The following GPC5 variants were observed in gnomAD, a reference collection of about 807,000 sequenced individuals.
The protein encoded by GPC5 is glypican 5.
In GPC5, 47 loss-of-function variants were observed where a neutral mutation model predicts 53.9. The ratio of observed to expected loss-of-function variants is 0.87; its 90% CI spans 0.69 to 1.11. GPC5 has a LOEUF of 1.11. GPC5 is among the 50% of genes most tolerant of loss of function. The pLI, the probability that GPC5 is intolerant of heterozygous loss-of-function variation, is 0.00. For synonymous variants in GPC5, 286 were observed against 263.3 expected (o/e 1.09, Z -0.84); for missense variants, 748 against 713.1 (o/e 1.05, Z -0.56).
intron 2 of GPC5, among the ~76,000 whole-genome samples, chr13:91,602,322 G>A (rs1314274316): frequency 6.6e-6 from 1 of 152,208 alleles, no homozygotes; most frequent in East Asian, 1.9e-4. Context: ...AATCTTCTGA[G>A]TGAGTTGACT....
At chr13:92,330,169 T>C (rs2043279267) in intron 7 of GPC5, among the ~76,000 whole-genome samples, 1 of 152,164 alleles carries the variant, frequency 6.6e-6, no homozygotes, top group Non-Finnish European at 1.5e-5. Flanking sequence ...GTTGGTAAAC[T>C]GAGAAGGCTC....
intron 7 of GPC5, among the ~76,000 whole-genome samples, chr13:92,653,077 G>A (rs1314543410): frequency 6.6e-6 from 1 of 152,088 alleles, no homozygotes; most frequent in Non-Finnish European, 1.5e-5. Context: ...CAACACTGGA[G>A]TGGAAAAATA....
At chr13:91,726,086 T>C (rs1403493806) in intron 3 of GPC5, among the ~76,000 whole-genome samples, 3 of 152,202 alleles carry the variant, frequency 2.0e-5, no homozygotes, top group Non-Finnish European at 4.4e-5. Flanking sequence ...CTTTCCTCAT[T>C]TTTGTGAATA....
At chr13:92,064,760 A>AAAAAAAAAAAAAAAAAAAC (rs2041153983) in intron 6 of GPC5, among the ~76,000 whole-genome samples, 1 of 29,524 alleles carries the variant, frequency 3.4e-5, no homozygotes, top group African/African-American at 1.1e-4. Flanking sequence ...CCGTCTCAAA[A>AAAAAAAAAAAAAAAAAAAC]AAAAAAAACA....
intron 7 of GPC5, among the ~76,000 whole-genome samples, chr13:92,714,138 T>G (rs1409948320): frequency 6.6e-6 from 1 of 152,198 alleles, no homozygotes; most frequent in African/African-American, 2.4e-5. Context: ...AGAAAATAGC[T>G]TACCAGCTAC....
chr13:92,691,517 A>G (rs1427361052), intron 7 of GPC5, among the ~76,000 whole-genome samples: 5 of 150,766 alleles, frequency 3.3e-5, no homozygotes, highest in Non-Finnish European at 5.9e-5. Context: ...TGCAGAAATC[A>G]CCCGTCTTCT....
At chr13:92,718,941 T>G (rs1271255017) in intron 7 of GPC5, among the ~76,000 whole-genome samples, 1 of 151,870 alleles carries the variant, frequency 6.6e-6, no homozygotes, top group Non-Finnish European at 1.5e-5. Flanking sequence ...ATAAGAATGT[T>G]TGTAACACAA....
At chr13:92,830,778 T>C (rs954111335) in intron 7 of GPC5, among the ~76,000 whole-genome samples, 5 of 152,090 alleles carry the variant, frequency 3.3e-5, no homozygotes, top group Admixed American at 1.3e-4. Flanking sequence ...GGCTATGAAA[T>C]AATAAGAAAT....
At chr13:92,138,643 TTTG>T (rs1232758118) in intron 6 of GPC5, among the ~76,000 whole-genome samples, 2 of 152,236 alleles carry the variant, frequency 1.3e-5, no homozygotes, top group African/African-American at 2.4e-5. Flanking sequence ...ATGGAAACCC[TTTG>T]TTGTTATTAA....
At chr13:91,928,929 A>G (rs183846364) in intron 6 of GPC5, among the ~76,000 whole-genome samples, 2 of 152,254 alleles carry the variant, frequency 1.3e-5, no homozygotes, top group East Asian at 3.9e-4. Context: ...TACTCCAGAG[A>G]AACGGCAATA....
chr13:92,534,726 T>C (rs1370515213), intron 7 of GPC5, among the ~76,000 whole-genome samples: 1 of 152,132 alleles, frequency 6.6e-6, no homozygotes, highest in Non-Finnish European at 1.5e-5. Flanking sequence ...AAACAAAATA[T>C]GAATTAAGCA....
At chr13:92,597,404 A>G (rs1883918374) in intron 7 of GPC5, among the ~76,000 whole-genome samples, 2 of 152,164 alleles carry the variant, frequency 1.3e-5, no homozygotes, top group African/African-American at 4.8e-5. Context: ...ATGATGTTTG[A>G]CCAACTGCAT....
At chr13:91,969,862 G>A (rs1345324885) in intron 6 of GPC5, among the ~76,000 whole-genome samples, 1 of 152,002 alleles carries the variant, frequency 6.6e-6, no homozygotes, top group Non-Finnish European at 1.5e-5. Context: ...AACAAAAAAA[G>A]GATTACAAGT....
At chr13:91,523,950 A>G (rs2139376984) in intron 2 of GPC5, among the ~76,000 whole-genome samples, 1 of 152,102 alleles carries the variant, frequency 6.6e-6, no homozygotes, top group South Asian at 2.1e-4. Context: ...TTCTCTTTGC[A>G]TGAATATATT....
intron 2 of GPC5, among the ~76,000 whole-genome samples, chr13:91,502,358 C>A (rs1418660969): frequency 2.6e-5 from 4 of 151,178 alleles, no homozygotes; most frequent in Non-Finnish European, 5.9e-5. Context: ...AGGTTTTCTT[C>A]TAGGGTTTTT....
intron 7 of GPC5, among the ~76,000 whole-genome samples, chr13:92,514,246 T>C (rs137871414): frequency 3.1e-4 from 47 of 151,204 alleles, no homozygotes; most frequent in Admixed American, 1.4e-3. Context: ...CTCTCAAATT[T>C]AGTGTTACTG....
At chr13:91,508,265 G>A (rs1399448399) in intron 2 of GPC5, among the ~76,000 whole-genome samples, 3 of 152,130 alleles carry the variant, frequency 2.0e-5, no homozygotes, top group Non-Finnish European at 4.4e-5. Context: ...TATAAAATTA[G>A]ACTGCATTTA....
intron 5 of GPC5, among the ~76,000 whole-genome samples, chr13:91,834,384 G>T (rs111759896): frequency 1.1e-4 from 16 of 152,052 alleles, no homozygotes; most frequent in Non-Finnish European, 1.8e-4. Flanking sequence ...TCACAGAATT[G>T]GAAAAAACTA....
At chr13:91,650,774 G>A (rs74104924) in intron 2 of GPC5, among the ~76,000 whole-genome samples, 5,990 of 76,568 alleles carry the variant, frequency 0.078, 645 homozygotes, top group African/African-American at 0.3. Context: ...TTTTTTTTTA[G>A]CACAGAAGGC....
Sources: allele counts gnomAD v4.1 joint callset (sites outside exome capture counted in the v4.1 genomes callset), GRCh38; gene constraint gnomAD v4.1.1; transcripts MANE v1.5; gene names NCBI Gene and HGNC (gene_info 2026-07-23, HGNC 2026-07-21).